PTPRT: variants seen among roughly 807,000 people sequenced by gnomAD.
PTPRT encodes the protein protein tyrosine phosphatase receptor type T, also known as receptor-type tyrosine-protein phosphatase T.
Under a neutral mutation model 176.8 loss-of-function variants are expected in PTPRT, and 56 were observed. The ratio of observed to expected loss-of-function variants is 0.32; its 90% CI spans 0.26 to 0.40. The LOEUF is 0.40. PTPRT is among the 10% of genes least tolerant of loss of function. The probability of loss-of-function intolerance (pLI) is 1.00; values close to 1 mark genes in which losing one functional copy is unlikely to be tolerated. For missense variants in PTPRT, 1,540 were observed against 1,908.2 expected, an observed-to-expected ratio of 0.81 and a Z score of 3.60; for synonymous variants, 783 against 739.0, an observed-to-expected ratio of 1.06 and a Z score of -0.96.
At chr20:42,680,363 G>C (rs2075582370) in intron 6 of PTPRT, among the ~76,000 whole-genome samples, 5 of 152,282 alleles carry the variant, frequency 3.3e-5, no homozygotes, top group African/African-American at 1.2e-4. Context: ...AGCCATGGAG[G>C]TTATTACTCA....
At chr20:42,849,282 C>T (rs993358472) in intron 2 of PTPRT, among the ~76,000 whole-genome samples, 2 of 152,218 alleles carry the variant, frequency 1.3e-5, no homozygotes, top group Non-Finnish European at 2.9e-5. Flanking sequence ...GTCCCACTTT[C>T]TCTTAAATGA....
At chr20:42,037,842 C>T in the PTPRT span, among the ~76,000 whole-genome samples, 14 of 152,270 alleles carry the variant, frequency 9.2e-5, no homozygotes, top group South Asian at 2.1e-4. Context: ...TTGAGATGAG[C>T]GTTTATGGTT....
chr20:42,198,941 C>T (rs1423978992), intron 16 of PTPRT, among the ~76,000 whole-genome samples: 1 of 152,158 alleles, frequency 6.6e-6, no homozygotes, highest in East Asian at 1.9e-4. Context: ...AACCATCCTC[C>T]TCCTCTTTCT....
intron 15 of PTPRT, among the ~76,000 whole-genome samples, chr20:42,204,066 T>G (rs139078308): frequency 6.6e-6 from 1 of 152,204 alleles, no homozygotes; most frequent in Non-Finnish European, 1.5e-5. Context: ...ATAGTCCTCT[T>G]ACTCTGAACA....
intron 16 of PTPRT, among the ~76,000 whole-genome samples, chr20:42,173,335 G>C (rs1990154744): frequency 6.6e-6 from 1 of 152,090 alleles, no homozygotes; most frequent in South Asian, 2.1e-4. Context: ...CATGTGTGTG[G>C]GGAGTGTGTG....
chr20:42,155,952 T>C (rs1333513258), intron 17 of PTPRT, among the ~76,000 whole-genome samples: 1 of 152,214 alleles, frequency 6.6e-6, no homozygotes, highest in African/African-American at 2.4e-5. Flanking sequence ...GTCATTAGTG[T>C]AACAAACACT....
chr20:42,608,369 C>T (rs191636242), intron 7 of PTPRT, among the ~76,000 whole-genome samples: 66 of 152,256 alleles, frequency 4.3e-4, no homozygotes, highest in Admixed American at 2.4e-3. Flanking sequence ...TGTAAATACC[C>T]GTGCTGTCAA....
At chr20:42,458,202 T>C (rs977787991) in intron 8 of PTPRT, among the ~76,000 whole-genome samples, 1 of 152,196 alleles carries the variant, frequency 6.6e-6, no homozygotes. Context: ...TCAGTGCAGA[T>C]ACAAAGGTGT....
intron 1 of PTPRT, among the ~76,000 whole-genome samples, chr20:43,053,275 G>A (rs1470098161): frequency 6.6e-6 from 1 of 152,112 alleles, no homozygotes; most frequent in Non-Finnish European, 1.5e-5. Context: ...TCTGTCCCCA[G>A]ATCCACTGTT....
intron 2 of PTPRT, among the ~76,000 whole-genome samples, chr20:42,876,645 C>T (rs1479306127): frequency 6.6e-6 from 1 of 152,188 alleles, no homozygotes; most frequent in African/African-American, 2.4e-5. Context: ...CACGAAAATG[C>T]CAAAGCAAGT....
chr20:42,241,828 T>A (rs1047723320), intron 14 of PTPRT, among the ~76,000 whole-genome samples: 1 of 152,132 alleles, frequency 6.6e-6, no homozygotes, highest in African/African-American at 2.4e-5. Flanking sequence ...TTGGGCTTTT[T>A]TCCCACCTCG....
In PTPRT at chr20:42,728,892, A is replaced by G. The variant is rs553246277; in HGVS notation, c.859+27570T>C. Among the ~76,000 whole-genome samples, 7 of 152,338 alleles carry G rather than the reference A, an allele frequency of 4.6e-5. No homozygotes were observed. In the East Asian group the frequency reaches 1.4e-3, roughly 29 times the overall value. On this transcript the variant is annotated intron_variant, in intron 6 of 30. Transcript: ENST00000373187. ...CACTGGCAAAATGCAAGCAATTAGC[A>G]GGTACCTACATATGTTTAATGAATG... is the stretch of plus-strand genomic sequence containing the variant.
At chr20:42,296,914 C>T (rs1233747981) in intron 12 of PTPRT, among the ~76,000 whole-genome samples, 3 of 152,012 alleles carry the variant, frequency 2.0e-5, no homozygotes, top group Non-Finnish European at 2.9e-5. Flanking sequence ...ATGCCTGTAT[C>T]AAAATGTCTC....
chr20:43,073,391 T>C (rs1420084272), intron 1 of PTPRT, among the ~76,000 whole-genome samples: 1 of 151,982 alleles, frequency 6.6e-6, no homozygotes, highest in Admixed American at 6.6e-5. Flanking sequence ...GGGCTGTTAC[T>C]CTAATCATGC....
At chr20:42,348,514 T>C (rs2058229876) in intron 11 of PTPRT, among the ~76,000 whole-genome samples, 1 of 152,192 alleles carries the variant, frequency 6.6e-6, no homozygotes, top group African/African-American at 2.4e-5. Flanking sequence ...AGTTTAAATT[T>C]TGCCTGTACC....
chr20:42,588,665 C>T (rs1438252001), intron 7 of PTPRT, among the ~76,000 whole-genome samples: 1 of 151,990 alleles, frequency 6.6e-6, no homozygotes, highest in Non-Finnish European at 1.5e-5. Flanking sequence ...ATTAATTGCA[C>T]CTGGTTCCTA....
intron 1 of PTPRT, among the ~76,000 whole-genome samples, chr20:42,925,039 G>A (rs566262644): frequency 1.9e-4 from 29 of 152,152 alleles, no homozygotes; most frequent in Non-Finnish European, 3.5e-4. Flanking sequence ...AGAGAGAAGC[G>A]CCATCCTAAA....
intron 7 of PTPRT, among the ~76,000 whole-genome samples, chr20:42,674,300 A>G (rs2075461939): frequency 6.6e-6 from 1 of 152,202 alleles, no homozygotes; most frequent in East Asian, 1.9e-4. Context: ...TAAAAATAAA[A>G]TACCACAATT....
At chr20:43,128,979 C>A (rs960083409) in intron 1 of PTPRT, among the ~76,000 whole-genome samples, 1 of 152,156 alleles carries the variant, frequency 6.6e-6, no homozygotes, top group Admixed American at 6.5e-5. Flanking sequence ...TACATGCATG[C>A]GTGTGTATAT....
Sources: allele counts gnomAD v4.1 joint callset (sites outside exome capture counted in the v4.1 genomes callset), GRCh38; gene constraint gnomAD v4.1.1; transcripts MANE v1.5; gene names NCBI Gene and HGNC (gene_info 2026-07-23, HGNC 2026-07-21).